The following FBXO11 variants were observed in gnomAD, a reference collection of about 807,000 sequenced individuals.
FBXO11 encodes the protein F-box only protein 11.
Under a neutral mutation model 117.0 loss-of-function variants are expected in FBXO11, and 13 were observed. The observed-to-expected ratio is 0.11, with a 90% confidence interval of 0.07 to 0.18. The LOEUF is 0.18. Among genes scored for constraint, FBXO11 ranks in the 10% least tolerant of loss-of-function variants. FBXO11 has a pLI of 1.00. For synonymous variants in FBXO11, 490 were observed against 380.5 expected (o/e 1.29, Z -3.35); for missense variants, 767 against 1,164.4 (o/e 0.66, Z 4.97).
chr2:47,881,521 A>C (rs1676430834), intron 1 of FBXO11, among the ~76,000 whole-genome samples: 1 of 152,188 alleles, frequency 6.6e-6, no homozygotes, highest in African/African-American at 2.4e-5. Flanking sequence ...AATAGTATTG[A>C]AACTAATAGC....
At chr2:47,903,572 T>G (rs1678487056) in intron 1 of FBXO11, among the ~76,000 whole-genome samples, 1 of 152,186 alleles carries the variant, frequency 6.6e-6, no homozygotes, top group African/African-American at 2.4e-5. Context: ...CAAAATTACA[T>G]CAACTAAGTT....
intron 4 of FBXO11, among the ~76,000 whole-genome samples, chr2:47,836,241 T>A (rs888654511): frequency 2.6e-5 from 4 of 152,020 alleles, no homozygotes. Context: ...GGTTCAAGCC[T>A]CAGCCTCCTG....
At chr2:47,825,170 G>A (rs1671656878) in intron 11 of FBXO11, among the ~76,000 whole-genome samples, 1 of 152,054 alleles carries the variant, frequency 6.6e-6, no homozygotes, top group South Asian at 2.1e-4. Flanking sequence ...AACTCTTCAA[G>A]AAAACAGGCC....
chr2:47,881,938 G>C (rs928297563), intron 1 of FBXO11, among the ~76,000 whole-genome samples: 5 of 152,110 alleles, frequency 3.3e-5, no homozygotes, highest in African/African-American at 7.2e-5. Context: ...GGTAGAGACA[G>C]GGTTTCACCA....
intron 19 of FBXO11, chr2:47,810,048 G>A (rs1670508991): frequency 6.1e-6 from 3 of 494,472 alleles, no homozygotes; most frequent in South Asian, 3.2e-5. Flanking sequence ...TGTATTCCTA[G>A]TGGTAATACA....
At chr2:47,875,536 A>C (rs923847311) in intron 1 of FBXO11, among the ~76,000 whole-genome samples, 3 of 151,706 alleles carry the variant, frequency 2.0e-5, no homozygotes, top group Non-Finnish European at 2.9e-5. Flanking sequence ...ATTGATAAGT[A>C]ATGATAAAAT....
intron 16 of FBXO11, among the ~76,000 whole-genome samples, chr2:47,815,094 C>T (rs1226233652): frequency 1.1e-4 from 17 of 152,208 alleles, no homozygotes; most frequent in Admixed American, 1.0e-3. Context: ...AAGTCTTATA[C>T]CCCTAAAGTC....
At chr2:47,903,090 T>C (rs558817658) in intron 1 of FBXO11, among the ~76,000 whole-genome samples, 15 of 152,312 alleles carry the variant, frequency 9.8e-5, no homozygotes, top group African/African-American at 3.1e-4. Context: ...AGAGTATTCT[T>C]AGTTAACTTC....
At chr2:47,882,484 T>C (rs763914697) in intron 1 of FBXO11, among the ~76,000 whole-genome samples, 26 of 152,208 alleles carry the variant, frequency 1.7e-4, no homozygotes, top group Non-Finnish European at 2.2e-4. Flanking sequence ...CTGTCATGTT[T>C]TGGTTTTCTT....
intron 1 of FBXO11, among the ~76,000 whole-genome samples, chr2:47,879,423 G>A (rs1158775758): frequency 6.6e-6 from 1 of 152,192 alleles, no homozygotes; most frequent in South Asian, 2.1e-4. Flanking sequence ...ACAACCAATG[G>A]AGTATGCTGC....
chr2:47,810,240 A>G, intron 19 of FBXO11, 76 bp downstream of exon 19: 1 of 981,026 alleles, frequency 1.0e-6, no homozygotes, highest in African/African-American at 1.7e-5. Flanking sequence ...AATAAGCAAA[A>G]CAAAATGAAT....
In FBXO11 at chr2:47,889,177, C is replaced by T. The variant is rs75175143; in HGVS notation, c.232+16312G>A. ...AACTGACATAACACCAATATGACTG[C>T]TTCATGAAAAAACAAAAGCTTTGTT... On this transcript the variant is annotated intron_variant, in intron 1 of 22. Coordinates refer to ENST00000403359, the MANE Select transcript of FBXO11 (RefSeq NM_001190274.2). Among the ~76,000 whole-genome samples, 357 of 152,220 alleles carry T rather than the reference C, an allele frequency of 2.3e-3. 12 individuals carry two copies. In the East Asian group the frequency reaches 0.064, roughly 27 times the overall value.
At chr2:47,871,014 G>C (rs1675586004) in intron 1 of FBXO11, among the ~76,000 whole-genome samples, 1 of 152,062 alleles carries the variant, frequency 6.6e-6, no homozygotes, top group African/African-American at 2.4e-5. Context: ...CCTCCGCAGG[G>C]GTTTTAGAAA....
chr2:47,876,295 A>C (rs1207755459), intron 1 of FBXO11, among the ~76,000 whole-genome samples: 2 of 152,180 alleles, frequency 1.3e-5, no homozygotes, highest in Non-Finnish European at 2.9e-5. Context: ...CTACTTTAAA[A>C]ATTATGTATT....
chr2:47,831,407 G>A (rs1672174107), intron 11 of FBXO11, among the ~76,000 whole-genome samples: 1 of 142,226 alleles, frequency 7.0e-6, no homozygotes, highest in Admixed American at 7.2e-5. Context: ...GGCAACAAGG[G>A]TGAAACTCGG....
At chr2:47,870,752 A>C (rs1396395876) in intron 1 of FBXO11, among the ~76,000 whole-genome samples, 1 of 152,224 alleles carries the variant, frequency 6.6e-6, no homozygotes, top group Non-Finnish European at 1.5e-5. Flanking sequence ...GCACTAGAAA[A>C]GCTAGTATGA....
chr2:47,828,123 G>T (rs1163711123), intron 11 of FBXO11, among the ~76,000 whole-genome samples: 1 of 152,136 alleles, frequency 6.6e-6, no homozygotes, highest in East Asian at 1.9e-4. Flanking sequence ...AGGATTATAG[G>T]CGTGTGCCAC....
intron 11 of FBXO11, among the ~76,000 whole-genome samples, chr2:47,828,736 T>C (rs555114758): frequency 1.3e-5 from 2 of 152,246 alleles, no homozygotes; most frequent in Admixed American, 1.3e-4. Context: ...ATAAAAACAC[T>C]TACCAAATAC....
At chr2:47,889,653 T>C (rs1478122273) in intron 1 of FBXO11, among the ~76,000 whole-genome samples, 1 of 151,320 alleles carries the variant, frequency 6.6e-6, no homozygotes, top group African/African-American at 2.4e-5. Flanking sequence ...TTTTAACCAA[T>C]AATGATGAAA....
Sources: gnomAD v4.1 joint callset for allele counts (sites outside exome capture counted in the v4.1 genomes callset) on GRCh38, gnomAD v4.1.1 for gene constraint, MANE v1.5 for transcripts, NCBI Gene and HGNC (gene_info 2026-07-23, HGNC 2026-07-21) for gene names.